Variants in USP45 observed in about 807,000 individuals in gnomAD.
USP45 encodes the protein ubiquitin carboxyl-terminal hydrolase 45.
A neutral mutation model predicts 95.8 loss-of-function variants in USP45; 89 were observed. The observed-to-expected ratio is 0.93, with a 90% CI of 0.78 to 1.11. The LOEUF (loss-of-function observed/expected upper bound fraction) is 1.11, where lower values mean the gene tolerates loss of function less well. Ranked by LOEUF, USP45 falls within the 50% of genes least tolerant of loss-of-function variation. The pLI, the probability that USP45 is intolerant of heterozygous loss-of-function variation, is 0.00. For synonymous variants in USP45, 281 were observed against 316.2 expected (o/e 0.89, Z 1.18); for missense variants, 898 against 942.5 (o/e 0.95, Z 0.62).
intron 16 of USP45, among the ~76,000 whole-genome samples, chr6:99,437,688 C>T (rs567202788): frequency 1.4e-4 from 21 of 152,092 alleles, no homozygotes; most frequent in Non-Finnish European, 2.1e-4. Flanking sequence ...GATGGAGTCT[C>T]GCTCTGTTAC....
intron 9 of USP45, among the ~76,000 whole-genome samples, chr6:99,470,885 C>G (rs1789235298): frequency 6.6e-6 from 1 of 152,070 alleles, no homozygotes; most frequent in Non-Finnish European, 1.5e-5. Flanking sequence ...AGAAATACTT[C>G]TAACTCAACT....
At chr6:99,491,759 T>C (rs1364631115) in intron 5 of USP45, among the ~76,000 whole-genome samples, 1 of 152,058 alleles carries the variant, frequency 6.6e-6, no homozygotes, top group Non-Finnish European at 1.5e-5. Flanking sequence ...AAAATATCTT[T>C]TTTTTTTTGG....
At chr6:99,477,987 C>T (rs1461374019) in intron 8 of USP45, among the ~76,000 whole-genome samples, 1 of 152,154 alleles carries the variant, frequency 6.6e-6, no homozygotes, top group Non-Finnish European at 1.5e-5. Flanking sequence ...AGTGAAGTAG[C>T]AGATGACTAG....
intron 1 of USP45, among the ~76,000 whole-genome samples, chr6:99,511,895 T>C (rs889488785): frequency 5.1e-5 from 7 of 138,240 alleles, no homozygotes; most frequent in African/African-American, 1.8e-4. Flanking sequence ...ATACACATAG[T>C]TGAACTATTT....
chr6:99,452,875 T>C (rs181304331), intron 13 of USP45, among the ~76,000 whole-genome samples: 1,909 of 152,206 alleles, frequency 0.013, 84 homozygotes, highest in Admixed American at 0.082. Context: ...ATGTCCTTTG[T>C]AGGGACATGG....
chr6:99,494,802 G>A (rs1367476017), intron 5 of USP45, among the ~76,000 whole-genome samples: 2 of 152,170 alleles, frequency 1.3e-5, no homozygotes, highest in African/African-American at 4.8e-5. Context: ...GCTGAGGCAG[G>A]AGAATCGTTT....
At chr6:99,479,162 AT>A (rs1791668537) in intron 8 of USP45, among the ~76,000 whole-genome samples, 1 of 12,764 alleles carries the variant, frequency 7.8e-5, no homozygotes, top group South Asian at 2.9e-3. Flanking sequence ...ATATACATAT[AT>A]ACACACACAC....
chr6:99,496,708 A>C (rs1421919855), intron 5 of USP45, among the ~76,000 whole-genome samples: 1 of 152,148 alleles, frequency 6.6e-6, no homozygotes, highest in Non-Finnish European at 1.5e-5. Context: ...CATTTAAAAG[A>C]CTATTAAAGT....
At chr6:99,463,899 A>G (rs1249258365) in intron 13 of USP45, among the ~76,000 whole-genome samples, 2 of 152,022 alleles carry the variant, frequency 1.3e-5, no homozygotes, top group African/African-American at 2.4e-5. Context: ...TAAAAAACTA[A>G]GTACTTATGA....
chr6:99,501,134 T>C (rs903378949), intron 5 of USP45, among the ~76,000 whole-genome samples: 3 of 151,974 alleles, frequency 2.0e-5, no homozygotes, highest in Non-Finnish European at 4.4e-5. Context: ...TCTCCCTCCC[T>C]CACTACATGT....
chr6:99,487,433 G>A (rs1032103158), intron 7 of USP45, among the ~76,000 whole-genome samples: 1 of 152,000 alleles, frequency 6.6e-6, no homozygotes, highest in Non-Finnish European at 1.5e-5. Context: ...AATATCAGGG[G>A]CTGCTCTTTT....
chr6:99,480,660 G>A (rs547797068), intron 8 of USP45, among the ~76,000 whole-genome samples: 11 of 149,828 alleles, frequency 7.3e-5, no homozygotes, highest in East Asian at 2.0e-4. Context: ...GCGAAACTCC[G>A]TCTCAAAAAA....
intron 10 of USP45, among the ~76,000 whole-genome samples, chr6:99,467,757 T>C (rs1249560484): frequency 6.6e-6 from 1 of 152,060 alleles, no homozygotes; most frequent in Non-Finnish European, 1.5e-5. Context: ...CAGCTACGTT[T>C]TTTAAAAATC....
intron 5 of USP45, among the ~76,000 whole-genome samples, chr6:99,493,035 T>G (rs1343712655): frequency 6.6e-6 from 1 of 152,140 alleles, no homozygotes; most frequent in African/African-American, 2.4e-5. Context: ...CCTTAATTTT[T>G]TTTTTTTCTT....
chr6:99,495,607 C>A (rs1440896837), intron 5 of USP45, among the ~76,000 whole-genome samples: 2 of 152,162 alleles, frequency 1.3e-5, no homozygotes, highest in Non-Finnish European at 2.9e-5. Flanking sequence ...AATTCACACA[C>A]TTAAACATTA....
intron 5 of USP45, among the ~76,000 whole-genome samples, chr6:99,495,301 G>A (rs1265485694): frequency 6.6e-6 from 1 of 152,138 alleles, no homozygotes; most frequent in Admixed American, 6.5e-5. Flanking sequence ...AACCAATAGT[G>A]GGTTTGTTGT....
chr6:99,465,078 A>C lies in USP45; in HGVS notation c.1164+2T>G. ...CTTCATCATTAGTTTTCTTCTCCTTACCCTTTCTTCTATTATAGGAAGTGA... is the reference window on the plus strand; with the variant it reads ...CTTCATCATTAGTTTTCTTCTCCTTCCCCTTTCTTCTATTATAGGAAGTGA... On this transcript the variant is annotated splice_donor_variant, in intron 12 of 17. Transcript: ENST00000500704. LOFTEE classifies it high-confidence loss of function. 6.3e-7 allele frequency: 1 copy of C among 1,592,112 alleles called. No homozygotes were observed. Among genetic ancestry groups the C allele is most frequent in the Non-Finnish European group, 8.6e-7 (1 of 1,167,204 alleles).
chr6:99,448,635 A>G lies in USP45; in HGVS notation c.1309-2172T>C, dbSNP rs573199778. Among the ~76,000 whole-genome samples the G allele has an allele frequency of 5.9e-5, 9 of 152,354 alleles. No individual in the cohort carries two copies. The South Asian group carries it at 1.4e-3, about 25-fold the overall frequency. On this transcript the variant is annotated intron_variant, in intron 13 of 17. Coordinates refer to ENST00000500704, the MANE Select transcript of USP45 (RefSeq NM_001346022.3). Reference sequence around the variant, plus strand: ...TTATCCAGGAGAACTTCCCCAACATAGCAAGGCAGGCCAACATGCAAATTC... The same window carrying G: ...TTATCCAGGAGAACTTCCCCAACATGGCAAGGCAGGCCAACATGCAAATTC...
upstream of USP45, chr6:99,515,457 C>G (rs1173266372): frequency 2.6e-5 from 4 of 152,352 alleles, no homozygotes; most frequent in South Asian, 4.1e-4. Context: ...GTCCCGCTCC[C>G]GGCAGAGGTG....
Sources: allele counts gnomAD v4.1 joint callset (sites outside exome capture counted in the v4.1 genomes callset), GRCh38; gene constraint gnomAD v4.1.1; transcripts MANE v1.5; gene names NCBI Gene and HGNC (gene_info 2026-07-23, HGNC 2026-07-21).